MACROD2: variants seen among roughly 807,000 people sequenced by gnomAD.
MACROD2 encodes mono-ADP ribosylhydrolase 2.
MACROD2 carries 36 observed loss-of-function variants against 70.4 expected under a neutral mutation model. The ratio of observed to expected loss-of-function variants is 0.51; its 90% CI spans 0.39 to 0.68. MACROD2 has a LOEUF of 0.68. Ranked by LOEUF, MACROD2 falls within the 30% of genes least tolerant of loss-of-function variation. The pLI, the probability that MACROD2 is intolerant of heterozygous loss-of-function variation, is 0.00. For synonymous variants in MACROD2, 172 were observed against 178.8 expected (o/e 0.96, Z 0.30); for missense variants, 496 against 538.4 (o/e 0.92, Z 0.78).
intron 9 of MACROD2, among the ~76,000 whole-genome samples, chr20:15,876,165 G>A (rs185926021): frequency 1.5e-4 from 21 of 142,366 alleles, no homozygotes; most frequent in Admixed American, 9.8e-4. Flanking sequence ...TGCACAAAGT[G>A]CAGGTTTGTT....
rs142132953 is a variant in MACROD2, at chr20:14,303,052, A to G, written c.272-190427A>G. 9.1e-3 allele frequency among the ~76,000 whole-genome samples: 1,386 copies of G among 152,244 alleles called. 6 individuals are homozygous for G. Among genetic ancestry groups the G allele is most frequent in the South Asian group, 0.025 (121 of 4,818 alleles). ...AGGTGGTCTTCTAACCCTGATTCCA[A>G]AGTTCCTTCCTCTGATGTCAGTGGA... is the stretch of plus-strand genomic sequence containing the variant. On this transcript the variant is annotated intron_variant, in intron 3 of 17. Coordinates refer to ENST00000684519, the MANE Select transcript of MACROD2 (RefSeq NM_001351661.2).
chr20:15,848,366 A>G (rs59314578), intron 8 of MACROD2, among the ~76,000 whole-genome samples: 12 of 148,806 alleles, frequency 8.1e-5, no homozygotes, highest in African/African-American at 2.8e-4. Context: ...AGCCAGGGGG[A>G]GGGGGGGGTC....
intron 3 of MACROD2, among the ~76,000 whole-genome samples, chr20:14,246,498 C>G (rs529300081): frequency 9.3e-4 from 141 of 152,262 alleles, no homozygotes; most frequent in African/African-American, 3.3e-3. Flanking sequence ...GAAGCTTTTC[C>G]TAATTCCTCA....
chr20:15,561,315 T>A (rs561459788), intron 8 of MACROD2, among the ~76,000 whole-genome samples: 1 of 152,370 alleles, frequency 6.6e-6, no homozygotes, highest in Non-Finnish European at 1.5e-5. Flanking sequence ...ACCAGAAAGA[T>A]AAGAGAAAAT....
chr20:15,087,839 A>C (rs2075760199), intron 5 of MACROD2, among the ~76,000 whole-genome samples: 1 of 152,034 alleles, frequency 6.6e-6, no homozygotes, highest in African/African-American at 2.4e-5. Context: ...TTGTAAAGAC[A>C]ATGAGCAAGG....
At chr20:15,736,650 A>C (rs1452316839) in intron 8 of MACROD2, among the ~76,000 whole-genome samples, 3 of 152,230 alleles carry the variant, frequency 2.0e-5, no homozygotes, top group African/African-American at 7.2e-5. Flanking sequence ...GTTTGTGGAC[A>C]TTAAAATATA....
At chr20:14,303,909 C>T (rs1820535828) in intron 3 of MACROD2, among the ~76,000 whole-genome samples, 1 of 152,066 alleles carries the variant, frequency 6.6e-6, no homozygotes, top group Admixed American at 6.6e-5. Context: ...TTCTATGATT[C>T]TTTTGTGTCA....
At chr20:14,638,843 G>A (rs939136422) in intron 4 of MACROD2, among the ~76,000 whole-genome samples, 3 of 151,890 alleles carry the variant, frequency 2.0e-5, no homozygotes, top group Non-Finnish European at 2.9e-5. Context: ...CTAGCTACTC[G>A]GGAGGCTGAG....
chr20:14,536,626 GGTGTGTGTGT>G (rs11471542), intron 4 of MACROD2, among the ~76,000 whole-genome samples: 18,363 of 139,090 alleles, frequency 0.13, 1,469 homozygotes, highest in Non-Finnish European at 0.17. Flanking sequence ...AGGTAACATT[GGTGTGTGTGT>G]GTGTGTGTGT....
At chr20:14,052,024 T>C in intron 2 of MACROD2, 1 of 454,556 alleles carries the variant, frequency 2.2e-6, no homozygotes, top group Non-Finnish European at 4.4e-6. Flanking sequence ...CTTACAGGTA[T>C]TCTTCTTACA....
At chr20:15,628,416 G>A (rs1045323050) in intron 8 of MACROD2, among the ~76,000 whole-genome samples, 11 of 152,214 alleles carry the variant, frequency 7.2e-5, no homozygotes, top group African/African-American at 2.4e-4. Context: ...TATTGCTCAT[G>A]TTCTTAACTA....
At chr20:14,083,422 T>G (rs1282837414) in intron 2 of MACROD2, among the ~76,000 whole-genome samples, 1 of 116,284 alleles carries the variant, frequency 8.6e-6, no homozygotes, top group African/African-American at 2.6e-5. Flanking sequence ...AAACTCTGTC[T>G]CAAAAAAAAA....
chr20:14,200,487 A>C (rs2081470387), intron 3 of MACROD2, among the ~76,000 whole-genome samples: 1 of 152,180 alleles, frequency 6.6e-6, no homozygotes, highest in African/African-American at 2.4e-5. Flanking sequence ...CCCATGACAC[A>C]AGTTTACCTA....
At chr20:15,885,900 A>C in intron 10 of MACROD2, 89 bp downstream of exon 10, 1 of 1,292,562 alleles carries the variant, frequency 7.7e-7, no homozygotes, top group Non-Finnish European at 1.0e-6. Flanking sequence ...CGAAAGACAA[A>C]ATAAGATTAA....
chr20:15,004,129 G>A (rs1284228851), intron 5 of MACROD2, among the ~76,000 whole-genome samples: 1 of 152,190 alleles, frequency 6.6e-6, no homozygotes, highest in East Asian at 1.9e-4. Flanking sequence ...AGAATGGTTT[G>A]AGTACTAACT....
At chr20:14,348,278 A>T (rs112737885) in intron 3 of MACROD2, among the ~76,000 whole-genome samples, 5,184 of 143,980 alleles carry the variant, frequency 0.036, 126 homozygotes, top group Non-Finnish European at 0.039. Flanking sequence ...CAAAAAAAAA[A>T]AAATAAATAA....
chr20:14,342,252 G>T (rs1374368317), intron 3 of MACROD2, among the ~76,000 whole-genome samples: 1 of 152,180 alleles, frequency 6.6e-6, no homozygotes, highest in Non-Finnish European at 1.5e-5. Context: ...GGAAGGAGTG[G>T]ATGCTAAGGA....
chr20:14,987,523 G>A (rs560128473), intron 5 of MACROD2, among the ~76,000 whole-genome samples: 9 of 152,166 alleles, frequency 5.9e-5, no homozygotes, highest in Admixed American at 1.3e-4. Context: ...CAAATCCAGA[G>A]GCTTTTAAGA....
chr20:14,567,027 T>C (rs1855197636), intron 4 of MACROD2: 1 of 151,938 alleles, frequency 6.6e-6, no homozygotes. Context: ...GCATGATCAT[T>C]GCACACAGAA....
Sources: allele counts gnomAD v4.1 joint callset (sites outside exome capture counted in the v4.1 genomes callset), GRCh38; gene constraint gnomAD v4.1.1; transcripts MANE v1.5; gene names NCBI Gene and HGNC (gene_info 2026-07-23, HGNC 2026-07-21).